Variants in USP24 observed in about 807,000 individuals in gnomAD.
USP24 encodes ubiquitin carboxyl-terminal hydrolase 24.
A neutral mutation model predicts 361.6 loss-of-function variants in USP24; 97 were observed. The observed-to-expected ratio is 0.27, with a 90% CI of 0.23 to 0.32. The LOEUF is 0.32. Ranked by LOEUF, USP24 falls within the 10% of genes least tolerant of loss-of-function variation. The pLI is 1.00. For missense variants in USP24, 2,353 were observed against 3,165.6 expected (o/e 0.74, Z 6.16); for synonymous variants, 1,098 against 1,124.6 (o/e 0.98, Z 0.47).
In USP24 at chr1:55,125,499, T is replaced by C. The variant is rs200881564; in HGVS notation, c.3781A>G (p.Thr1261Ala). Residue 1261 changes from threonine (T) to alanine (A), a missense_variant, in exon 34 of 68, where the codon ACC becomes GCC. By Grantham distance (58) the Thr-to-Ala change is moderately conservative. Coordinates refer to ENST00000294383, the MANE Select transcript of USP24 (RefSeq NM_015306.3). ...TMPTLLDEDL[T>A]KDGIEALSSR... is the part of the protein sequence containing the mutation. Reference sequence around the variant, plus strand: ...GAAAGTGCTTCTATACCATCTTTGGTGAGGTCTTCATCTAATAACGTGGGC... The same window carrying C: ...GAAAGTGCTTCTATACCATCTTTGGCGAGGTCTTCATCTAATAACGTGGGC... The C allele has an allele frequency of 9.4e-5, 152 of 1,613,870 alleles. No homozygotes were observed. Among genetic ancestry groups the C allele is most frequent in the Non-Finnish European group, 1.3e-4 (150 of 1,179,880 alleles).
intron 38 of USP24, among the ~76,000 whole-genome samples, chr1:55,115,495 C>CAAAAAAAAAAAAAAAAAAAAA (rs1165658382): frequency 2.2e-5 from 1 of 45,828 alleles, no homozygotes; most frequent in African/African-American, 6.8e-5. Context: ...GACTCCGCCT[C>CAAAAAAAAAAAAAAAAAAAAA]AAAAAAAAAA....
intron 3 of USP24, among the ~76,000 whole-genome samples, chr1:55,175,284 T>C (rs560800711): frequency 7.5e-6 from 1 of 133,088 alleles, no homozygotes; most frequent in East Asian, 2.4e-4. Context: ...TGGAGTGCAA[T>C]GGTGTGATCT....
intron 16 of USP24, 125 bp from the exon 17 acceptor site, chr1:55,148,695 T>C: frequency 1.5e-6 from 1 of 679,012 alleles, no homozygotes; most frequent in Non-Finnish European, 2.4e-6. Flanking sequence ...ACTCTTTATA[T>C]TGACCATTTA....
At chr1:55,151,533 G>A (rs1570552861) in intron 16 of USP24, among the ~76,000 whole-genome samples, 1 of 152,180 alleles carries the variant, frequency 6.6e-6, no homozygotes, top group Admixed American at 6.5e-5. Context: ...ATGGTAGGTG[G>A]CCTGAAGATA....
intron 1 of USP24, among the ~76,000 whole-genome samples, chr1:55,203,084 AG>A (rs1198500495): frequency 6.6e-6 from 1 of 152,200 alleles, no homozygotes; most frequent in Non-Finnish European, 1.5e-5. Flanking sequence ...ACTTTATCAC[AG>A]GTATGTATAT....
In USP24 at chr1:55,136,929, G is replaced by C. The variant is rs1243267295; in HGVS notation, c.3201+586C>G. Reference sequence around the variant, plus strand: ...TAGCAATGTACATACAATATGCAGAGACTGGAGACTGGATGAGATTTTTAA... The same window carrying C: ...TAGCAATGTACATACAATATGCAGACACTGGAGACTGGATGAGATTTTTAA... On this transcript the variant is annotated intron_variant, in intron 28 of 67. Transcript: ENST00000294383. Among the ~76,000 whole-genome samples, 5 of 152,178 alleles carry C rather than the reference G, an allele frequency of 3.3e-5. No individual in the cohort carries two copies. In the East Asian group the frequency reaches 9.6e-4, roughly 29 times the overall value.
At chr1:55,109,574 T>A (rs990185278) in intron 39 of USP24, among the ~76,000 whole-genome samples, 2 of 152,216 alleles carry the variant, frequency 1.3e-5, no homozygotes, top group African/African-American at 4.8e-5. Flanking sequence ...TTGACGTTCT[T>A]TACCAATTGC....
intron 1 of USP24, 113 bp downstream of exon 1, chr1:55,214,676 TA>T: frequency 1.1e-6 from 1 of 915,322 alleles, no homozygotes; most frequent in Non-Finnish European, 1.4e-6. Context: ...CCGCCCCCAC[TA>T]AAGCCCCAGT....
intron 67 of USP24, chr1:55,071,483 T>C: frequency 1.9e-6 from 2 of 1,058,710 alleles, no homozygotes; most frequent in Non-Finnish European, 2.3e-6. Flanking sequence ...CGAGGGACTT[T>C]CAGTAACCTG....
Position 55,070,904 on chromosome 1 carries a change from G to A in USP24, c.7800+910C>T, listed in dbSNP as rs116804202. On this transcript the variant is annotated intron_variant, in intron 67 of 67. Transcript: ENST00000294383. ...AGGCAAACTTCCCACTGTCACAGGA[G>A]AGGAGACAAGAACAGTGCAGATGCT... is the stretch of plus-strand genomic sequence containing the variant. Among the ~76,000 whole-genome samples, 57 of 152,352 alleles carry A rather than the reference G, an allele frequency of 3.7e-4. 1 individual carries two copies. Among genetic ancestry groups the A allele is most frequent in the African/African-American group, 1.3e-3 (55 of 41,582 alleles).
At chr1:55,113,032 CT>C (rs898536711) in intron 38 of USP24, among the ~76,000 whole-genome samples, 7 of 151,968 alleles carry the variant, frequency 4.6e-5, no homozygotes, top group Admixed American at 6.6e-5. Context: ...CCTTCTTTGT[CT>C]TTTTTTGACC....
intron 2 of USP24, 103 bp from the exon 3 acceptor site, chr1:55,176,546 C>T (rs1165447580): frequency 7.5e-6 from 8 of 1,070,144 alleles, no homozygotes; most frequent in South Asian, 3.1e-5. Flanking sequence ...TTTGGTAGTT[C>T]GTAAAAATCA....
rs1453740218 is a variant in USP24, at chr1:55,081,418, G to A, written c.6982C>T (p.Arg2328Ter). 6.2e-7 allele frequency: 1 copy of A among 1,613,424 alleles called. No individual in the cohort carries two copies. The highest frequency in any genetic ancestry group is 8.5e-7 in the Non-Finnish European group (1 of 1,179,530). Residue 2328 changes from arginine to a stop codon, truncating the protein, a stop_gained, in exon 59 of 68, where the codon CGA becomes TGA. Transcript: ENST00000294383. LOFTEE classifies it high-confidence loss of function. ...GASRQNNQIR[R>*]WSSAQAREFG... ...TCTCGTGCTTGTGCTGAACTCCATC[G>A]ACGTATCTGTCATCAGGGAAGATAA...
At chr1:55,132,982 G>C (rs1482479669) in intron 30 of USP24, among the ~76,000 whole-genome samples, 1 of 152,140 alleles carries the variant, frequency 6.6e-6, no homozygotes, top group Non-Finnish European at 1.5e-5. Context: ...ATTAGTTTCT[G>C]TGTTTAAAAT....
chr1:55,186,517 A>C (rs1312512468), intron 1 of USP24, among the ~76,000 whole-genome samples: 1 of 152,242 alleles, frequency 6.6e-6, no homozygotes, highest in Non-Finnish European at 1.5e-5. Context: ...AGGTGGAAGC[A>C]ACCCAAGTGT....
At chr1:55,129,780 C>T (rs536980744) in intron 31 of USP24, among the ~76,000 whole-genome samples, 8 of 152,210 alleles carry the variant, frequency 5.3e-5, no homozygotes, top group African/African-American at 9.6e-5. Flanking sequence ...AAAATCTTTC[C>T]GTTCTAGAGA....
intron 7 of USP24, 41 bp from the exon 8 acceptor site, chr1:55,162,305 AT>A: frequency 1.2e-5 from 17 of 1,476,028 alleles, no homozygotes; most frequent in South Asian, 8.7e-5. Context: ...ATTTGAGAGG[AT>A]TTTTTTCCTG....
In USP24 at chr1:55,129,458, A is replaced by G. The variant is rs746324956; in HGVS notation, c.3635+19T>C. 1 of 1,608,850 alleles carries G rather than the reference A, an allele frequency of 6.2e-7. No homozygotes were observed. Among genetic ancestry groups the G allele is most frequent in the Admixed American group, 1.7e-5 (1 of 59,886 alleles). The stretch of plus-strand genomic sequence containing the variant: ...ATTCATTTTCGGCAACTCATGTAAC[A>G]TTACATTGAAACTCTAACCTCAAAC... On this transcript the variant is annotated intron_variant, in intron 32 of 67. Transcript: ENST00000294383.
chr1:55,129,622 A>T, intron 31 of USP24, 48 bp from the exon 32 acceptor site: 1 of 1,469,364 alleles, frequency 6.8e-7, no homozygotes, highest in Admixed American at 1.7e-5. Flanking sequence ...TTTCAGCAGA[A>T]ATTACTCCTT....
Sources: gnomAD v4.1 joint callset for allele counts (sites outside exome capture counted in the v4.1 genomes callset) on GRCh38, gnomAD v4.1.1 for gene constraint, MANE v1.5 for transcripts, NCBI Gene and HGNC (gene_info 2026-07-23, HGNC 2026-07-21) for gene names.